BAIAP2L1: variants seen among roughly 807,000 people sequenced by gnomAD.
The protein encoded by BAIAP2L1 is BAR/IMD domain-containing adapter protein 2-like 1.
Under a neutral mutation model 66.3 loss-of-function variants are expected in BAIAP2L1, and 35 were observed. That is an observed-to-expected ratio of 0.53 (90% CI 0.40 to 0.70). The LOEUF (loss-of-function observed/expected upper bound fraction) is 0.70, where lower values mean the gene tolerates loss of function less well. Ranked by LOEUF, BAIAP2L1 falls within the 30% of genes least tolerant of loss-of-function variation. BAIAP2L1 has a pLI of 0.00. For synonymous variants in BAIAP2L1, 269 were observed against 248.7 expected (o/e 1.08, Z -0.77); for missense variants, 622 against 656.9 (o/e 0.95, Z 0.58).
intron 1 of BAIAP2L1, chr7:98,386,387 C>T (rs1802891407): frequency 3.8e-6 from 6 of 1,594,036 alleles, no homozygotes; most frequent in South Asian, 1.1e-5. Context: ...TCACTTCAAA[C>T]ACACGACCCT....
chr7:98,312,819 G>C (rs1281411072), intron 7 of BAIAP2L1, among the ~76,000 whole-genome samples: 1 of 152,214 alleles, frequency 6.6e-6, no homozygotes, highest in African/African-American at 2.4e-5. Context: ...AGGTTTTGCA[G>C]AGCAGACCTG....
At chr7:98,321,882 G>A (rs971544154) in intron 3 of BAIAP2L1, among the ~76,000 whole-genome samples, 1 of 152,184 alleles carries the variant, frequency 6.6e-6, no homozygotes, top group Non-Finnish European at 1.5e-5. Context: ...AGTATCACGA[G>A]GTAAGGAGTT....
intron 3 of BAIAP2L1, among the ~76,000 whole-genome samples, chr7:98,337,235 A>AT (rs60826557): frequency 0.12 from 16,735 of 138,756 alleles, 1,013 homozygotes; most frequent in Middle Eastern, 0.14. Context: ...TTCAGATACC[A>AT]TTTTTTTTTT....
intron 1 of BAIAP2L1, among the ~76,000 whole-genome samples, chr7:98,365,693 T>C (rs1802376400): frequency 6.6e-6 from 1 of 152,146 alleles, no homozygotes; most frequent in Non-Finnish European, 1.5e-5. Flanking sequence ...TTGCCCAGAC[T>C]GGTCTAAAAC....
At position 98,310,551 on chromosome 7, in the gene BAIAP2L1, C is replaced by G; in HGVS notation, c.849G>C (p.Lys283Asn). ...DYDTLSKCSP[K>N]MPPAPSGRAY... ...CTCTGCCTGAAGGAGCGGGGGGCATCTTTGGTGAGCATTTAGAAAGGGTGT... is the reference window on the plus strand; with the variant it reads ...CTCTGCCTGAAGGAGCGGGGGGCATGTTTGGTGAGCATTTAGAAAGGGTGT... The change falls in exon 9 of 14, where the codon AAG (lysine) becomes AAC (asparagine). Residue 283 changes from lysine (K) to asparagine (N), a missense_variant. Physicochemically the swap from Lys to Asn is moderately conservative, Grantham distance 94. Coordinates refer to ENST00000005260, the MANE Select transcript of BAIAP2L1 (RefSeq NM_018842.5). The G allele has an allele frequency of 6.3e-7, 1 of 1,591,114 alleles. No individual in the cohort carries two copies.
In BAIAP2L1 at chr7:98,332,382, C is replaced by CAAAAAAAAAAAAA. The variant is rs55987839; in HGVS notation, c.215-12097_215-12085dup. Among the ~76,000 whole-genome samples the CAAAAAAAAAAAAA allele has an allele frequency of 3.2e-4, 9 of 27,764 alleles. 3 individuals are homozygous for CAAAAAAAAAAAAA. Among genetic ancestry groups the CAAAAAAAAAAAAA allele is most frequent in the African/African-American group, 1.5e-3 (9 of 5,808 alleles). The allele number at this position is 27,764 out of a possible 152,430, so 18.2% of individuals were successfully genotyped here. On this transcript the variant is annotated intron_variant, in intron 3 of 13. Transcript: ENST00000005260. ...TGGGTGACAGAACAAGACTCCATCT[C>CAAAAAAAAAAAAA]AAAAAAAAAAAAAAAAAAAAAAAAA...
chr7:98,306,849 A>G (rs376250822), intron 10 of BAIAP2L1: 1 of 320,034 alleles, frequency 3.1e-6, no homozygotes. Flanking sequence ...TGTGACTAGA[A>G]GTGTGCACCA....
At chr7:98,326,868 G>A (rs7789380) in intron 3 of BAIAP2L1, among the ~76,000 whole-genome samples, 61,256 of 146,928 alleles carry the variant, frequency 0.42, 13,334 homozygotes, top group Middle Eastern at 0.57. Context: ...CTTACTAGTC[G>A]TGACAAAAAA....
intron 1 of BAIAP2L1, among the ~76,000 whole-genome samples, chr7:98,375,432 AACC>A (rs1802600580): frequency 6.6e-6 from 1 of 151,104 alleles, no homozygotes; most frequent in South Asian, 2.1e-4. Flanking sequence ...TAGAATCCAC[AACC>A]ACCTGTAGTC....
At chr7:98,383,189 C>T in intron 1 of BAIAP2L1, among the ~76,000 whole-genome samples, 1 of 149,092 alleles carries the variant, frequency 6.7e-6, no homozygotes. Flanking sequence ...AACAAACAAA[C>T]AAAAAAAAGA....
chr7:98,386,326 T>G (rs1802889967), intron 1 of BAIAP2L1: 4 of 1,595,058 alleles, frequency 2.5e-6, no homozygotes, highest in Admixed American at 1.7e-5. Flanking sequence ...TCTTCAGTAA[T>G]CAGCCTGAAT....
intron 3 of BAIAP2L1, among the ~76,000 whole-genome samples, chr7:98,354,400 T>C (rs1452417139): frequency 6.6e-6 from 1 of 152,108 alleles, no homozygotes; most frequent in East Asian, 1.9e-4. Flanking sequence ...AGCCAGAAAT[T>C]TTACCCTTTG....
At chr7:98,305,060 T>G (rs867977481) in intron 11 of BAIAP2L1, among the ~76,000 whole-genome samples, 24 of 147,042 alleles carry the variant, frequency 1.6e-4, no homozygotes, top group South Asian at 4.4e-4. Flanking sequence ...TTTTTTTTTT[T>G]TTTTTTTTTT....
intron 12 of BAIAP2L1, 121 bp from the exon 13 acceptor site, chr7:98,294,232 A>G: frequency 1.0e-6 from 1 of 1,001,562 alleles, no homozygotes; most frequent in South Asian, 1.5e-5. Context: ...AGCTCACGTG[A>G]TCCTTCCACC....
rs146588580 is a variant in BAIAP2L1, at chr7:98,393,338, G to A, written c.51+7464C>T. On this transcript the variant is annotated intron_variant, in intron 1 of 13. Coordinates refer to ENST00000005260, the MANE Select transcript of BAIAP2L1 (RefSeq NM_018842.5). ...ATTACAGGTGTGAGCCACTGCACCC[G>A]GCCATGAAAGGGTTTTATTACATAA... is the stretch of plus-strand genomic sequence containing the variant. Among the ~76,000 whole-genome samples the A allele has an allele frequency of 6.8e-3, 1,034 of 151,644 alleles. 15 individuals carry two copies. Among genetic ancestry groups the A allele is most frequent in the African/African-American group, 0.023 (944 of 41,332 alleles).
intron 5 of BAIAP2L1, among the ~76,000 whole-genome samples, chr7:98,319,324 C>T (rs994323434): frequency 3.3e-5 from 5 of 152,138 alleles, no homozygotes; most frequent in Admixed American, 2.6e-4. Flanking sequence ...AGAGAAGGGG[C>T]GCCATGCAGG....
chr7:98,324,938 C>G (rs1177402851), intron 3 of BAIAP2L1, among the ~76,000 whole-genome samples: 4 of 152,204 alleles, frequency 2.6e-5, no homozygotes, highest in Non-Finnish European at 5.9e-5. Context: ...TAATCAGAAC[C>G]TGCTTCATTT....
At chr7:98,330,118 T>C (rs1255566677) in intron 3 of BAIAP2L1, among the ~76,000 whole-genome samples, 2 of 152,154 alleles carry the variant, frequency 1.3e-5, no homozygotes, top group South Asian at 2.1e-4. Flanking sequence ...TGACACGTCA[T>C]GTTCAGCTTC....
intron 12 of BAIAP2L1, among the ~76,000 whole-genome samples, chr7:98,298,599 C>T (rs925154807): frequency 1.3e-5 from 2 of 151,912 alleles, no homozygotes; most frequent in Non-Finnish European, 2.9e-5. Context: ...GGTGACAGAG[C>T]AAGACTCTGT....
Sources: allele counts gnomAD v4.1 joint callset (sites outside exome capture counted in the v4.1 genomes callset), GRCh38; gene constraint gnomAD v4.1.1; transcripts MANE v1.5; gene names NCBI Gene and HGNC (gene_info 2026-07-23, HGNC 2026-07-21).